Variants in GALK2 observed in about 807,000 individuals in gnomAD.
GALK2 encodes the protein N-acetylgalactosamine kinase.
GALK2 carries 36 observed loss-of-function variants against 52.4 expected under a neutral mutation model. The observed-to-expected ratio is 0.69, with a 90% CI of 0.53 to 0.91. GALK2 has a LOEUF of 0.91. Ranked by LOEUF, GALK2 falls within the 40% of genes least tolerant of loss-of-function variation. GALK2 has a pLI of 0.00. For missense variants in GALK2, 579 were observed against 559.1 expected, an observed-to-expected ratio of 1.04 and a Z score of -0.36; for synonymous variants, 176 against 199.1, an observed-to-expected ratio of 0.88 and a Z score of 0.98.
At chr15:49,249,416 G>A (rs2091495771) in intron 5 of GALK2, among the ~76,000 whole-genome samples, 1 of 152,120 alleles carries the variant, frequency 6.6e-6, no homozygotes, top group African/African-American at 2.4e-5. Context: ...CTAAAATAAG[G>A]GTGAGAATAG....
chr15:49,355,233 G>T (rs965293436), intron 3 of GALK2, among the ~76,000 whole-genome samples: 1 of 152,236 alleles, frequency 6.6e-6, no homozygotes, highest in Non-Finnish European at 1.5e-5. Flanking sequence ...GAACAAAGCT[G>T]GATGGAGAAT....
chr15:49,159,785 C>G (rs1016638773), intron 1 of GALK2, among the ~76,000 whole-genome samples: 1 of 151,976 alleles, frequency 6.6e-6, no homozygotes, highest in African/African-American at 2.4e-5. Flanking sequence ...AAATTTCAAG[C>G]ATACATAAAA....
chr15:49,170,635 T>C (rs2085010795), intron 1 of GALK2: 2 of 465,894 alleles, frequency 4.3e-6, no homozygotes, highest in Non-Finnish European at 7.8e-6. Flanking sequence ...TTGTTGTAAT[T>C]AGTGTACTCT....
chr15:49,289,173 G>A (rs542193022), intron 7 of GALK2, among the ~76,000 whole-genome samples: 3 of 152,154 alleles, frequency 2.0e-5, no homozygotes, highest in African/African-American at 7.2e-5. Context: ...GCTGCACGTG[G>A]TCAGGAGCCA....
chr15:49,328,759 A>C lies in GALK2; in HGVS notation c.*600A>C. 6.9e-7 allele frequency: 1 copy of C among 1,458,610 alleles called. No individual in the cohort carries two copies. The highest frequency in any genetic ancestry group is 2.5e-5 in the East Asian group (1 of 39,526). The allele number at this position is 1,458,610 out of a possible 1,614,324, so 90.4% of individuals were successfully genotyped here. On this transcript the variant is annotated 3_prime_UTR_variant, in exon 10 of 10. Transcript: ENST00000560031. ...ATTTGAATGTGAGATTTCTCCAGTTATCAAGAGACTAAGGATTTTTTTTTT... is the reference window on the plus strand; with the variant it reads ...ATTTGAATGTGAGATTTCTCCAGTTCTCAAGAGACTAAGGATTTTTTTTTT...
At chr15:49,360,162 C>T (rs975929700) in intron 3 of GALK2, among the ~76,000 whole-genome samples, 11 of 150,748 alleles carry the variant, frequency 7.3e-5, no homozygotes, top group Admixed American at 5.9e-4. Context: ...GTGGGTGCAG[C>T]GCACCAGCAT....
intron 1 of GALK2, among the ~76,000 whole-genome samples, chr15:49,181,864 G>A (rs2085997768): frequency 6.7e-6 from 1 of 150,354 alleles, no homozygotes; most frequent in South Asian, 2.1e-4. Context: ...TTTTTTATGG[G>A]TACATAATAT....
intron 3 of GALK2, among the ~76,000 whole-genome samples, chr15:49,359,914 A>C (rs1262464202): frequency 6.7e-6 from 1 of 148,942 alleles, no homozygotes; most frequent in African/African-American, 2.5e-5. Context: ...CAGCCATAAA[A>C]AATTATGAGT....
chr15:49,290,672 C>A (rs1276857824), intron 7 of GALK2, among the ~76,000 whole-genome samples: 1 of 152,192 alleles, frequency 6.6e-6, no homozygotes, highest in Non-Finnish European at 1.5e-5. Context: ...ACTGTCATCT[C>A]TTGGGGGCAG....
At chr15:49,290,631 C>T (rs1207183303) in intron 7 of GALK2, among the ~76,000 whole-genome samples, 1 of 152,216 alleles carries the variant, frequency 6.6e-6, no homozygotes, top group East Asian at 1.9e-4. Flanking sequence ...TTGGAGATTA[C>T]TGTGGACTGA....
At chr15:49,325,823 T>C (rs1198021367) in intron 9 of GALK2, among the ~76,000 whole-genome samples, 2 of 152,208 alleles carry the variant, frequency 1.3e-5, no homozygotes, top group African/African-American at 4.8e-5. Context: ...GGAGACTCAG[T>C]AGCAAATATC....
downstream of GALK2, among the ~76,000 whole-genome samples, chr15:49,336,063 C>T (rs2039661500): frequency 6.6e-6 from 1 of 152,188 alleles, no homozygotes; most frequent in African/African-American, 2.4e-5. Context: ...CTGCCTTGGC[C>T]TCCCAAAGTA....
Position 49,331,039 on chromosome 15 carries a change from T to C in GALK2, c.*2880T>C, listed in dbSNP as rs2038630275. 6.6e-6 allele frequency: 1 copy of C among 152,272 alleles called. No homozygotes were observed. The allele number at this position is 152,272 out of a possible 1,614,324, so 9.4% of individuals were successfully genotyped here. ...GTATATTATACAACACCCAGGTGTT[T>C]CACTCTTTCTATCACTTTTCTGCCC... On this transcript the variant is annotated 3_prime_UTR_variant, in exon 10 of 10. Transcript: ENST00000560031.
In GALK2 at chr15:49,330,424, A is replaced by G. The variant is rs1289021940; in HGVS notation, c.*2265A>G. ...GGGCTCCAAATCAGGAGATTGTACA[A>G]GCAGTATCAGATATTCTGGATTACT... On this transcript the variant is annotated 3_prime_UTR_variant, in exon 10 of 10. Transcript: ENST00000560031. 6.6e-6 allele frequency: 1 copy of G among 152,216 alleles called. No homozygotes were observed. Among genetic ancestry groups the G allele is most frequent in the Non-Finnish European group, 1.5e-5 (1 of 68,046 alleles). 9.4% of individuals were successfully genotyped at this position (152,216 alleles called of 1,614,324 possible).
chr15:49,329,606 G>T lies in GALK2; in HGVS notation c.*1447G>T. Reference sequence around the variant, plus strand: ...TTCTATTTAAAAATAAACTTCTGATGCATTTTCATTCTTAGCAGAAAGGTA... The same window carrying T: ...TTCTATTTAAAAATAAACTTCTGATTCATTTTCATTCTTAGCAGAAAGGTA... On this transcript the variant is annotated 3_prime_UTR_variant, in exon 10 of 10. Transcript: ENST00000560031. 2 of 984,508 alleles carry T rather than the reference G, an allele frequency of 2.0e-6. No individual in the cohort carries two copies. The highest frequency in any genetic ancestry group is 2.4e-6 in the Non-Finnish European group (2 of 829,136). 61.0% of individuals were successfully genotyped at this position (984,508 alleles called of 1,614,324 possible).
intron 5 of GALK2, among the ~76,000 whole-genome samples, chr15:49,246,331 G>C (rs568324796): frequency 1.3e-5 from 2 of 152,268 alleles, no homozygotes; most frequent in Admixed American, 1.3e-4. Flanking sequence ...TGGGTAGTAA[G>C]GTGTGTTAGA....
intron 7 of GALK2, among the ~76,000 whole-genome samples, chr15:49,286,756 TC>T (rs35008139): frequency 6.6e-6 from 1 of 152,210 alleles, no homozygotes; most frequent in African/African-American, 2.4e-5. Context: ...ACGACACACT[TC>T]CTTTTTCAGG....
intron 1 of GALK2, among the ~76,000 whole-genome samples, chr15:49,192,493 A>ATATATATATATATATATATATATG (rs2086824439): frequency 3.5e-5 from 1 of 28,220 alleles, no homozygotes; most frequent in Non-Finnish European, 7.8e-5. Flanking sequence ...ATGTATATAT[A>ATATATATATATATATATATATATG]TATATATATA....
intron 5 of GALK2, among the ~76,000 whole-genome samples, chr15:49,279,919 G>A (rs2032444684): frequency 6.6e-6 from 1 of 152,200 alleles, no homozygotes; most frequent in Admixed American, 6.5e-5. Context: ...AAAATCCTAA[G>A]TTTACCTCAT....
Sources: gnomAD v4.1 joint callset for allele counts (sites outside exome capture counted in the v4.1 genomes callset) on GRCh38, gnomAD v4.1.1 for gene constraint, MANE v1.5 for transcripts, NCBI Gene and HGNC (gene_info 2026-07-23, HGNC 2026-07-21) for gene names.